The following PALM2AKAP2 variants were observed in gnomAD, a reference collection of about 807,000 sequenced individuals.
PALM2AKAP2 encodes PALM2-AKAP2 fusion protein.
PALM2AKAP2 carries 37 observed loss-of-function variants against 71.5 expected under a neutral mutation model. That is an observed-to-expected ratio of 0.52 (90% CI 0.40 to 0.68). The LOEUF (loss-of-function observed/expected upper bound fraction) is 0.68. Ranked by LOEUF, PALM2AKAP2 falls within the 30% of genes least tolerant of loss-of-function variation. The probability of loss-of-function intolerance (pLI) is 0.00; values close to 1 mark genes in which losing one functional copy is unlikely to be tolerated. For synonymous variants in PALM2AKAP2, 468 were observed against 478.8 expected (o/e 0.98, Z 0.29); for missense variants, 1,224 against 1,191.8 (o/e 1.03, Z -0.40).
At chr9:110,052,601 G>T (rs1833733350) in intron 1 of PALM2AKAP2, among the ~76,000 whole-genome samples, 1 of 152,198 alleles carries the variant, frequency 6.6e-6, no homozygotes, top group Non-Finnish European at 1.5e-5. Flanking sequence ...TTTGATTAGA[G>T]TATTAAAGAA....
chr9:110,024,693 A>G (rs1006569869), intron 7 of PALM2AKAP2, among the ~76,000 whole-genome samples: 9 of 151,790 alleles, frequency 5.9e-5, no homozygotes, highest in African/African-American at 2.4e-5. Context: ...CTGAGGTGGG[A>G]GGCTCACCTG....
intron 6 of PALM2AKAP2, among the ~76,000 whole-genome samples, chr9:110,004,603 A>T (rs928517921): frequency 9.2e-5 from 14 of 152,178 alleles, no homozygotes; most frequent in Non-Finnish European, 1.8e-4. Context: ...GAAGTTCTCC[A>T]GGATAATATC....
chr9:109,770,339 C>T (rs181412746), intron 1 of PALM2AKAP2, among the ~76,000 whole-genome samples: 1 of 152,088 alleles, frequency 6.6e-6, no homozygotes, highest in Non-Finnish European at 1.5e-5. Context: ...CCTGATACCC[C>T]AGAAACTATA....
At chr9:110,034,605 T>C (rs201263968) in intron 7 of PALM2AKAP2, among the ~76,000 whole-genome samples, 265 of 108,318 alleles carry the variant, frequency 2.4e-3, no homozygotes, top group African/African-American at 1.0e-2. Context: ...TATATTCCCC[T>C]TTTTTTTTTT....
intron 1 of PALM2AKAP2, among the ~76,000 whole-genome samples, chr9:109,691,954 A>G (rs537499768): frequency 7.1e-6 from 1 of 141,808 alleles, no homozygotes; most frequent in Admixed American, 7.1e-5. Flanking sequence ...ATATATATAT[A>G]TACATATATA....
intron 7 of PALM2AKAP2, among the ~76,000 whole-genome samples, chr9:110,020,860 A>C (rs532324581): frequency 6.6e-6 from 1 of 152,040 alleles, no homozygotes; most frequent in Admixed American, 6.6e-5. Context: ...CTGTAATCCA[A>C]GCACTGGGAG....
chr9:109,984,575 G>C (rs1832337515), intron 6 of PALM2AKAP2, among the ~76,000 whole-genome samples: 1 of 152,108 alleles, frequency 6.6e-6, no homozygotes, highest in South Asian at 2.1e-4. Context: ...AGAAACTTTG[G>C]GCCAGGTATG....
At position 110,006,997 on chromosome 9, in the gene PALM2AKAP2, T is replaced by A. The variant is rs76808675; in HGVS notation, c.497-8957T>A. Among the ~76,000 whole-genome samples, 1,430 of 152,278 alleles carry A rather than the reference T, an allele frequency of 9.4e-3. 23 individuals are homozygous for A. The highest frequency in any genetic ancestry group is 0.033 in the African/African-American group (1,380 of 41,540). ...TATTGGTTTAGGAGTAGGTTTATGC[T>A]GTATTTTTGATCAGTGAGACTTTGG... On this transcript the variant is annotated intron_variant, in intron 6 of 9. Transcript: ENST00000302798.
intron 1 of PALM2AKAP2, among the ~76,000 whole-genome samples, chr9:109,786,082 G>T (rs115951337): frequency 0.016 from 2,361 of 152,302 alleles, 64 homozygotes; most frequent in African/African-American, 0.054. Flanking sequence ...TGGCTGTGCC[G>T]TGGGCTTACA....
At chr9:110,154,870 T>C (rs1836408629) in intron 2 of PALM2AKAP2, among the ~76,000 whole-genome samples, 1 of 152,180 alleles carries the variant, frequency 6.6e-6, no homozygotes, top group Non-Finnish European at 1.5e-5. Context: ...GCAAAACGTT[T>C]GAGTTAGAAG....
chr9:109,958,589 A>C (rs183533898), intron 6 of PALM2AKAP2, among the ~76,000 whole-genome samples: 2 of 152,294 alleles, frequency 1.3e-5, no homozygotes, highest in Non-Finnish European at 2.9e-5. Context: ...GAAAAAGAGA[A>C]GGAGAAAAGG....
At position 109,966,889 on chromosome 9, in the gene PALM2AKAP2, G is replaced by A. The variant is rs1831960303; in HGVS notation, c.496+34861G>A. On this transcript the variant is annotated intron_variant, in intron 6 of 9. Transcript: ENST00000302798. ...GGTGGTCTGGTGCCGCGGGTCTGCC[G>A]GCCACTCCTTGAGTAGCAAAGTTGT... Among the ~76,000 whole-genome samples the A allele has an allele frequency of 2.6e-5, 4 of 152,240 alleles. 1 individual carries two copies. The South Asian group carries it at 6.2e-4, about 24-fold the overall frequency.
At chr9:110,107,113 A>G (rs1835138285) in intron 1 of PALM2AKAP2, among the ~76,000 whole-genome samples, 1 of 152,246 alleles carries the variant, frequency 6.6e-6, no homozygotes, top group Non-Finnish European at 1.5e-5. Context: ...CCCAGGCAGA[A>G]GGTAACAAAG....
intron 1 of PALM2AKAP2, among the ~76,000 whole-genome samples, chr9:109,795,585 C>A (rs965597074): frequency 6.6e-6 from 1 of 152,152 alleles, no homozygotes; most frequent in Non-Finnish European, 1.5e-5. Flanking sequence ...ATAGTGCCGC[C>A]GTGGGAAGAT....
At chr9:110,045,485 TG>T (rs1173726310), upstream of PALM2AKAP2, among the ~76,000 whole-genome samples, 1 of 152,204 alleles carries the variant, frequency 6.6e-6, no homozygotes. Context: ...AAGAATCATC[TG>T]GGAGCTGTTA....
intron 2 of PALM2AKAP2, among the ~76,000 whole-genome samples, chr9:110,150,667 A>G (rs1836288172): frequency 6.6e-6 from 1 of 152,222 alleles, no homozygotes; most frequent in Non-Finnish European, 1.5e-5. Flanking sequence ...TGGTGAGGCC[A>G]TTGTTCTGCC....
intron 1 of PALM2AKAP2, among the ~76,000 whole-genome samples, chr9:109,699,730 T>C (rs116210078): frequency 0.012 from 1,758 of 152,064 alleles, 28 homozygotes; most frequent in African/African-American, 0.039. Flanking sequence ...CCATTTTTTT[T>C]CCCCTGTATT....
chr9:110,053,132 A>T (rs759484721), intron 1 of PALM2AKAP2, among the ~76,000 whole-genome samples: 5 of 152,192 alleles, frequency 3.3e-5, no homozygotes, highest in African/African-American at 7.2e-5. Flanking sequence ...GAACATACTC[A>T]GGCTGCCCTC....
chr9:109,977,768 CT>C (rs201858825), intron 6 of PALM2AKAP2, among the ~76,000 whole-genome samples: 3,784 of 152,306 alleles, frequency 0.025, 177 homozygotes, highest in African/African-American at 0.086. Context: ...CCTTCACCCC[CT>C]GCCTCTCTCT....
Sources: allele counts gnomAD v4.1 joint callset (sites outside exome capture counted in the v4.1 genomes callset), GRCh38; gene constraint gnomAD v4.1.1; transcripts MANE v1.5; gene names NCBI Gene and HGNC (gene_info 2026-07-23, HGNC 2026-07-21).